SLC2A9: variants seen among roughly 807,000 people sequenced by gnomAD.
SLC2A9 encodes the protein solute carrier family 2 member 9.
In SLC2A9, 39 loss-of-function variants were observed where a neutral mutation model predicts 50.6. That is an observed-to-expected ratio of 0.77 (90% CI 0.60 to 1.01). The LOEUF is 1.01. Ranked by LOEUF, SLC2A9 falls within the 50% of genes least tolerant of loss-of-function variation. The pLI is 0.00. For missense variants in SLC2A9, 686 were observed against 677.6 expected, an observed-to-expected ratio of 1.01 and a Z score of -0.14; for synonymous variants, 324 against 276.9, an observed-to-expected ratio of 1.17 and a Z score of -1.69.
intron 11 of SLC2A9, among the ~76,000 whole-genome samples, chr4:9,831,734 G>A (rs1726184683): frequency 6.6e-6 from 1 of 152,236 alleles, no homozygotes; most frequent in African/African-American, 2.4e-5. Flanking sequence ...AGCTGGCAGT[G>A]CAGCCATGTG....
intron 11 of SLC2A9, 132 bp from the exon 12 acceptor site, chr4:9,826,732 T>C (rs1725197945): frequency 1.2e-6 from 1 of 835,962 alleles, no homozygotes; most frequent in Non-Finnish European, 2.0e-6. Context: ...CCATGTGTGA[T>C]GCTGGCTCAA....
intron 1 of SLC2A9, chr4:10,035,772 T>TGTC (rs1764085291): frequency 6.6e-6 from 1 of 152,272 alleles, no homozygotes; most frequent in Non-Finnish European, 1.5e-5. Flanking sequence ...GGCATTTCTT[T>TGTC]TGTTTGTTTG....
At chr4:9,885,037 G>A (rs1052091163) in intron 10 of SLC2A9, among the ~76,000 whole-genome samples, 2 of 152,114 alleles carry the variant, frequency 1.3e-5, no homozygotes, top group African/African-American at 4.8e-5. Context: ...AGTGGAGGGA[G>A]GGAAAGTATC....
At chr4:9,932,780 G>A (rs1178264758) in intron 6 of SLC2A9, among the ~76,000 whole-genome samples, 1 of 152,180 alleles carries the variant, frequency 6.6e-6, no homozygotes, top group Non-Finnish European at 1.5e-5. Context: ...TCTGTGTCAT[G>A]GGGGCTAGCA....
chr4:10,030,291 T>C (rs922036107), intron 1 of SLC2A9, among the ~76,000 whole-genome samples: 1 of 152,214 alleles, frequency 6.6e-6, no homozygotes, highest in Non-Finnish European at 1.5e-5. Flanking sequence ...GTTGCATCTA[T>C]ATACCAAAAG....
chr4:9,860,787 C>G (rs1471254233), intron 10 of SLC2A9, among the ~76,000 whole-genome samples: 1 of 152,232 alleles, frequency 6.6e-6, no homozygotes, highest in Non-Finnish European at 1.5e-5. Flanking sequence ...ATATCACAAC[C>G]CCGGGAAGTC....
At chr4:9,845,967 G>T (rs1037436414) in intron 10 of SLC2A9, among the ~76,000 whole-genome samples, 2 of 152,082 alleles carry the variant, frequency 1.3e-5, no homozygotes, top group Admixed American at 1.3e-4. Context: ...ATTTCCATCC[G>T]ACATTTACAT....
At chr4:9,857,188 G>A (rs1278829745) in intron 10 of SLC2A9, among the ~76,000 whole-genome samples, 1 of 152,192 alleles carries the variant, frequency 6.6e-6, no homozygotes, top group Non-Finnish European at 1.5e-5. Flanking sequence ...GGATCCAGGG[G>A]ACATAGCTCA....
At chr4:9,866,627 G>A (rs1437568872) in intron 10 of SLC2A9, among the ~76,000 whole-genome samples, 1 of 152,158 alleles carries the variant, frequency 6.6e-6, no homozygotes, top group African/African-American at 2.4e-5. Context: ...GGGATCCCAG[G>A]CAAAATGGCA....
At chr4:9,804,586 G>T (rs1486839541) in intron 3 of SLC2A9, among the ~76,000 whole-genome samples, 1 of 152,152 alleles carries the variant, frequency 6.6e-6, no homozygotes, top group African/African-American at 2.4e-5. Context: ...CTACTGTGAT[G>T]CTGCTCCCCT....
At chr4:9,975,109 A>C (rs1265460000) in intron 5 of SLC2A9, among the ~76,000 whole-genome samples, 1 of 152,218 alleles carries the variant, frequency 6.6e-6, no homozygotes, top group Non-Finnish European at 1.5e-5. Context: ...TTAACTCAAG[A>C]TGGATTAAAG....
In SLC2A9 at chr4:9,908,290, A is replaced by G; in HGVS notation, c.1058T>C (p.Ile353Thr). ...CCCTGTACTCAAGGTGACGTATGGG[A>G]TCTTTGCCGGAGGGATCCCAGCTTT... ...FGKAGIPPAK[I>T]PYVTLSTGGI... The change falls in exon 8 of 12, where the codon ATC (isoleucine) becomes ACC (threonine). Residue 353 changes from isoleucine (I) to threonine (T), a missense_variant. By Grantham distance (89) the Ile-to-Thr change is moderately conservative. Transcript: ENST00000264784. The G allele has an allele frequency of 6.2e-7, 1 of 1,614,120 alleles. No individual in the cohort carries two copies. Among genetic ancestry groups the G allele is most frequent in the Non-Finnish European group, 8.5e-7 (1 of 1,180,000 alleles).
chr4:9,923,286 G>A (rs755584757), intron 6 of SLC2A9, among the ~76,000 whole-genome samples: 38 of 152,192 alleles, frequency 2.5e-4, no homozygotes, highest in African/African-American at 8.9e-4. Context: ...GGAATAGGCC[G>A]AGGCAAACAT....
At chr4:10,029,560 A>ATAT (rs1489123714) in intron 1 of SLC2A9, among the ~76,000 whole-genome samples, 2 of 110,648 alleles carry the variant, frequency 1.8e-5, no homozygotes, top group Non-Finnish European at 3.6e-5. Context: ...ATTTTATTTT[A>ATAT]TTTTATTTAT....
chr4:9,784,800 T>A (rs1240735052), intron 3 of SLC2A9, among the ~76,000 whole-genome samples: 17 of 152,220 alleles, frequency 1.1e-4, no homozygotes, highest in African/African-American at 3.9e-4. Context: ...AATATGCAAT[T>A]TCTTGCAAGT....
chr4:9,953,520 A>T (rs1177472995), intron 5 of SLC2A9, among the ~76,000 whole-genome samples: 1 of 152,218 alleles, frequency 6.6e-6, no homozygotes, highest in African/African-American at 2.4e-5. Context: ...CACTTTCCTT[A>T]TCAATAAAAT....
At chr4:9,808,323 C>A (rs1246420484) in intron 3 of SLC2A9, among the ~76,000 whole-genome samples, 1 of 152,202 alleles carries the variant, frequency 6.6e-6, no homozygotes, top group Non-Finnish European at 1.5e-5. Context: ...ACACTCTATG[C>A]CTGTCATTAC....
At chr4:9,997,077 T>A in intron 2 of SLC2A9, 136 bp from the exon 3 acceptor site, 1 of 955,758 alleles carries the variant, frequency 1.0e-6, no homozygotes, top group Non-Finnish European at 1.6e-6. Flanking sequence ...GAGCTTTATC[T>A]CATTGGCCTC....
At chr4:9,908,505 C>A (rs11490074) in intron 7 of SLC2A9, among the ~76,000 whole-genome samples, 160 bp from the exon 8 acceptor site, 1 of 84,160 alleles carries the variant, frequency 1.2e-5, no homozygotes. Flanking sequence ...CACCTTCTCC[C>A]TTTCTTCATT....
Sources: gnomAD v4.1 joint callset for allele counts (sites outside exome capture counted in the v4.1 genomes callset) on GRCh38, gnomAD v4.1.1 for gene constraint, MANE v1.5 for transcripts, NCBI Gene and HGNC (gene_info 2026-07-23, HGNC 2026-07-21) for gene names.